Variants in CSPP1 observed in about 807,000 individuals in gnomAD.
CSPP1 encodes the protein centrosome and spindle pole associated protein 1.
Under a neutral mutation model 164.4 loss-of-function variants are expected in CSPP1, and 126 were observed. The observed-to-expected ratio is 0.77, with a 90% CI of 0.66 to 0.89. CSPP1 has a LOEUF of 0.89. CSPP1 is among the 40% of genes least tolerant of loss of function. The pLI, the probability that CSPP1 is intolerant of heterozygous loss-of-function variation, is 0.00. For synonymous variants in CSPP1, 472 were observed against 476.7 expected, an observed-to-expected ratio of 0.99 and a Z score of 0.13; for missense variants, 1,395 against 1,449.8, an observed-to-expected ratio of 0.96 and a Z score of 0.61.
At chr8:67,133,492 A>G (rs1324508551) in intron 16 of CSPP1, 2 of 152,244 alleles carry the variant, frequency 1.3e-5, no homozygotes, top group Non-Finnish European at 2.9e-5. Context: ...TGTCTTAAAC[A>G]AGCTACGTAA....
intron 2 of CSPP1, chr8:67,074,895 C>T (rs537852966): frequency 5.3e-6 from 1 of 190,132 alleles, no homozygotes; most frequent in East Asian, 1.8e-4. Flanking sequence ...ATTCTTCTGC[C>T]TCAGCCTCAT....
rs532242266 is a variant in CSPP1 at position 67,183,087 on chromosome 8, T to C, written c.3220+3161T>C. Among the ~76,000 whole-genome samples, 6 of 152,358 alleles carry C rather than the reference T, an allele frequency of 3.9e-5. No individual in the cohort carries two copies. In the East Asian group the frequency reaches 1.2e-3, roughly 29 times the overall value. On this transcript the variant is annotated intron_variant, in intron 28 of 30. Transcript: ENST00000678616. ...GAAGCTTTCCTCATATGCTTGCTTCTAAGAGTTTTATCTATAGGTTTAGCT... is the reference window on the plus strand; with the variant it reads ...GAAGCTTTCCTCATATGCTTGCTTCCAAGAGTTTTATCTATAGGTTTAGCT...
intron 15 of CSPP1, among the ~76,000 whole-genome samples, chr8:67,125,534 G>A (rs1819882902): frequency 6.6e-6 from 1 of 151,856 alleles, no homozygotes; most frequent in Admixed American, 6.6e-5. Flanking sequence ...AATATTCTTT[G>A]TGTCCCTTTC....
At chr8:67,143,440 T>C (rs1247542066) in intron 17 of CSPP1, among the ~76,000 whole-genome samples, 2 of 152,066 alleles carry the variant, frequency 1.3e-5, no homozygotes. Context: ...AAGTAATTAT[T>C]ACTATTACTA....
At position 67,091,379 on chromosome 8, in the gene CSPP1, A is replaced by G. The variant is rs149825980; in HGVS notation, c.304-424A>G. Among the ~76,000 whole-genome samples, 230 of 152,354 alleles carry G rather than the reference A, an allele frequency of 1.5e-3. 1 individual carries two copies. The highest frequency in any genetic ancestry group is 5.4e-3 in the African/African-American group (223 of 41,578). On this transcript the variant is annotated intron_variant, in intron 4 of 30. Transcript: ENST00000678616. ...TCAGTAGATATTCACTCACATAATT[A>G]TAGGAAAAATAGAAAAAAAACTTGT... is the stretch of plus-strand genomic sequence containing the variant.
chr8:67,178,475 G>C (rs1832211418), intron 27 of CSPP1, among the ~76,000 whole-genome samples: 1 of 152,184 alleles, frequency 6.6e-6, no homozygotes, highest in Non-Finnish European at 1.5e-5. Context: ...CCTGTGACAG[G>C]TTACATTCCA....
At chr8:67,144,570 G>T (rs1483824517) in intron 17 of CSPP1, among the ~76,000 whole-genome samples, 2 of 152,080 alleles carry the variant, frequency 1.3e-5, no homozygotes, top group Non-Finnish European at 2.9e-5. Flanking sequence ...TTTCTGAGTA[G>T]CTGGGACTAC....
At chr8:67,167,385 C>T (rs1408400393) in intron 24 of CSPP1, among the ~76,000 whole-genome samples, 16 of 147,032 alleles carry the variant, frequency 1.1e-4, no homozygotes, top group African/African-American at 2.5e-4. Context: ...GGCAGCTGGC[C>T]GGGCGGGGGC....
chr8:67,131,939 T>C lies in CSPP1; in HGVS notation c.1698-12T>C. The C allele has an allele frequency of 1.3e-6, 2 of 1,584,220 alleles. No homozygotes were observed. Among genetic ancestry groups the C allele is most frequent in the Non-Finnish European group, 1.7e-6 (2 of 1,164,688 alleles). Reference sequence around the variant, plus strand: ...CAATGGATTTAAATTATTTATTGTGTATTTGATGTAGGAATACGGTTGGAC... The same window carrying C: ...CAATGGATTTAAATTATTTATTGTGCATTTGATGTAGGAATACGGTTGGAC... On this transcript the variant is annotated splice_polypyrimidine_tract_variant and intron_variant, in intron 15 of 30. Transcript: ENST00000678616.
At chr8:67,123,034 C>T (rs994755560) in intron 15 of CSPP1, 1 of 152,292 alleles carries the variant, frequency 6.6e-6, no homozygotes, top group Non-Finnish European at 1.5e-5. Flanking sequence ...GCAGCTAGGA[C>T]TACAGCCGTG....
chr8:67,088,320 CTCTG>C (rs1185996834), intron 4 of CSPP1, among the ~76,000 whole-genome samples: 77 of 151,830 alleles, frequency 5.1e-4, no homozygotes, highest in Non-Finnish European at 1.0e-3. Flanking sequence ...CAGAGTCTTG[CTCTG>C]TCGCCCAGGC....
chr8:67,195,270 G>A (rs774628629), intron 30 of CSPP1, 112 bp from the exon 31 acceptor site: 2 of 764,462 alleles, frequency 2.6e-6, no homozygotes, highest in Non-Finnish European at 4.8e-6. Flanking sequence ...TTCAGGATAT[G>A]AGACTGTGGG....
chr8:67,130,627 G>A (rs1431072293), intron 15 of CSPP1, among the ~76,000 whole-genome samples: 1 of 152,132 alleles, frequency 6.6e-6, no homozygotes, highest in Non-Finnish European at 1.5e-5. Context: ...GTTAGAAAAG[G>A]TAAATACACA....
intron 29 of CSPP1, among the ~76,000 whole-genome samples, chr8:67,192,536 T>C (rs1235607759): frequency 6.6e-6 from 1 of 152,258 alleles, no homozygotes; most frequent in Non-Finnish European, 1.5e-5. Context: ...CAGAAGTTTT[T>C]AATTTTGATG....
chr8:67,137,701 A>C lies in CSPP1; in HGVS notation c.1975+98A>C, dbSNP rs536053423. 1.7e-3 allele frequency: 1,019 copies of C among 608,542 alleles called. 1 individual carries two copies. Among genetic ancestry groups the C allele is most frequent in the Non-Finnish European group, 2.4e-3 (909 of 377,732 alleles). The allele number at this position is 608,542 out of a possible 1,614,324, so 37.7% of individuals were successfully genotyped here. A position where few individuals can be genotyped will look rare whatever the true frequency, so the allele number is the denominator to read the frequency against. On this transcript the variant is annotated intron_variant, in intron 17 of 30. Transcript: ENST00000678616. Reference sequence around the variant, plus strand: ...GAAAAAAGTAGGAATCATAGCCTCTATAGCAACGCATGTATGTAACTTAAT... The same window carrying C: ...GAAAAAAGTAGGAATCATAGCCTCTCTAGCAACGCATGTATGTAACTTAAT...
intron 15 of CSPP1, among the ~76,000 whole-genome samples, chr8:67,121,944 C>G (rs2129552098): frequency 6.6e-6 from 1 of 152,030 alleles, no homozygotes; most frequent in Non-Finnish European, 1.5e-5. Context: ...GATTTGTTGG[C>G]ATATAATTGT....
chr8:67,175,057 G>T (rs993012439), intron 25 of CSPP1: 3 of 440,152 alleles, frequency 6.8e-6, no homozygotes, highest in East Asian at 4.5e-5. Flanking sequence ...TCCACTGCTT[G>T]TTCTGGGGTA....
intron 24 of CSPP1, among the ~76,000 whole-genome samples, chr8:67,167,443 GCCC>G (rs1200598636): frequency 6.8e-6 from 1 of 146,256 alleles, no homozygotes; most frequent in Non-Finnish European, 1.5e-5. Context: ...GGCGGGGGCT[GCCC>G]CCCACCTCCC....
intron 24 of CSPP1, among the ~76,000 whole-genome samples, chr8:67,169,687 G>A (rs1342642857): frequency 2.6e-5 from 4 of 152,060 alleles, no homozygotes; most frequent in African/African-American, 7.2e-5. Flanking sequence ...TGATCCACCC[G>A]CCTCGGCCTC....
Sources: gnomAD v4.1 joint callset for allele counts (sites outside exome capture counted in the v4.1 genomes callset) on GRCh38, gnomAD v4.1.1 for gene constraint, MANE v1.5 for transcripts, NCBI Gene and HGNC (gene_info 2026-07-23, HGNC 2026-07-21) for gene names.